The following TMEM45A variants were observed in gnomAD, a reference collection of about 807,000 sequenced individuals.
TMEM45A encodes the protein transmembrane protein 45A, also known as DNA polymerase-transactivated protein 4.
Under a neutral mutation model 32.0 loss-of-function variants are expected in TMEM45A, and 25 were observed. The observed-to-expected ratio is 0.78, with a 90% CI of 0.57 to 1.09. The LOEUF is 1.09. Among genes scored for constraint, TMEM45A ranks in the 50% least tolerant of loss-of-function variants. TMEM45A has a pLI of 0.00. For synonymous variants in TMEM45A, 122 were observed against 114.8 expected, an observed-to-expected ratio of 1.06 and a Z score of -0.40; for missense variants, 302 against 325.0, an observed-to-expected ratio of 0.93 and a Z score of 0.54.
chr3:100,547,496 A>G (rs756694599), intron 1 of TMEM45A, among the ~76,000 whole-genome samples: 60 of 152,132 alleles, frequency 3.9e-4, no homozygotes, highest in Non-Finnish European at 7.9e-4. Flanking sequence ...AAGATAAAAT[A>G]TATTTACTAT....
intron 1 of TMEM45A, among the ~76,000 whole-genome samples, chr3:100,528,253 A>C (rs945727814): frequency 2.0e-5 from 3 of 152,184 alleles, no homozygotes; most frequent in Non-Finnish European, 4.4e-5. Context: ...ATTTTCTGGG[A>C]ACCTTTCGCA....
chr3:100,567,789 T>C (rs982831312), intron 4 of TMEM45A, among the ~76,000 whole-genome samples: 3 of 152,168 alleles, frequency 2.0e-5, no homozygotes, highest in Non-Finnish European at 4.4e-5. Flanking sequence ...CTTCTTTTTC[T>C]TTTTCTTTTT....
At chr3:100,546,897 G>A (rs1016984835) in intron 1 of TMEM45A, among the ~76,000 whole-genome samples, 1 of 152,162 alleles carries the variant, frequency 6.6e-6, no homozygotes, top group Non-Finnish European at 1.5e-5. Flanking sequence ...GTGACATAGA[G>A]TAGGTCACTA....
At chr3:100,494,266 G>A (rs907732900) in intron 1 of TMEM45A, among the ~76,000 whole-genome samples, 2 of 152,188 alleles carry the variant, frequency 1.3e-5, no homozygotes, top group South Asian at 4.1e-4. Context: ...TCATGGGAGA[G>A]CTGGATAGAA....
chr3:100,518,279 C>T (rs961609191), intron 1 of TMEM45A, among the ~76,000 whole-genome samples: 4 of 152,234 alleles, frequency 2.6e-5, no homozygotes, highest in Admixed American at 6.5e-5. Flanking sequence ...CCCATTTCCT[C>T]ACTTTCTTCC....
At chr3:100,504,242 A>G (rs1708049692) in intron 1 of TMEM45A, among the ~76,000 whole-genome samples, 1 of 143,388 alleles carries the variant, frequency 7.0e-6, no homozygotes, top group South Asian at 2.2e-4. Flanking sequence ...GTAGCCTTAT[A>G]TTTTTATAAA....
intron 1 of TMEM45A, among the ~76,000 whole-genome samples, chr3:100,547,195 C>T (rs2148972520): frequency 6.6e-6 from 1 of 152,162 alleles, no homozygotes; most frequent in Admixed American, 6.5e-5. Flanking sequence ...GATCTTGGCT[C>T]ACTGCAACCT....
chr3:100,537,746 C>CA (rs1434662501), intron 1 of TMEM45A, among the ~76,000 whole-genome samples: 1 of 152,224 alleles, frequency 6.6e-6, no homozygotes, highest in African/African-American at 2.4e-5. Flanking sequence ...ACACAGGTGT[C>CA]ATTGTCACAG....
rs1707864096 is a variant in TMEM45A, at chr3:100,492,755, T to TTCCCC, written c.-177_-176insTCCCC. ...CGACTAGGGACCCAAGTTTAAAAAT[T>TTCCCC]CCTCCCCCCACCCAATGCGAGACGT... On this transcript the variant is annotated 5_prime_UTR_variant, in exon 1 of 6. Transcript: ENST00000323523. 1.4e-5 allele frequency: 2 copies of TTCCCC among 143,524 alleles called. No individual in the cohort carries two copies. Among genetic ancestry groups the TTCCCC allele is most frequent in the African/African-American group, 2.7e-5 (1 of 36,840 alleles). 8.9% of individuals were successfully genotyped at this position (143,524 alleles called of 1,614,324 possible).
intron 1 of TMEM45A, among the ~76,000 whole-genome samples, chr3:100,506,409 C>A (rs1478090135): frequency 6.6e-6 from 1 of 152,006 alleles, no homozygotes; most frequent in African/African-American, 2.4e-5. Context: ...TATCTGACAC[C>A]CCAAAATAGT....
rs1705462479 is a variant in TMEM45A, at chr3:100,522,927, C to T, written c.-4+29999C>T. On this transcript the variant is annotated intron_variant, in intron 1 of 5. Coordinates refer to ENST00000323523, the MANE Select transcript of TMEM45A (RefSeq NM_018004.3). ...TGGGAGAACCAAGTTCCTGTGGTTG[C>T]GCCCATTGCTTGGTGCAGTCTGCCA... is the stretch of plus-strand genomic sequence containing the variant. Among the ~76,000 whole-genome samples the T allele has an allele frequency of 2.6e-5, 4 of 152,152 alleles. No individual in the cohort carries two copies. The South Asian group carries it at 6.2e-4, about 24-fold the overall frequency.
At chr3:100,563,361 C>T (rs1306221126) in intron 4 of TMEM45A, among the ~76,000 whole-genome samples, 7 of 152,204 alleles carry the variant, frequency 4.6e-5, no homozygotes, top group Non-Finnish European at 1.0e-4. Flanking sequence ...AATACAATCA[C>T]ATTCAGAGAT....
chr3:100,518,871 A>G lies in TMEM45A; in HGVS notation c.-4+25943A>G, dbSNP rs560276795. Among the ~76,000 whole-genome samples the G allele has an allele frequency of 1.1e-4, 16 of 152,344 alleles. No individual in the cohort carries two copies. The East Asian group carries it at 3.1e-3, about 29-fold the overall frequency. On this transcript the variant is annotated intron_variant, in intron 1 of 5. Transcript: ENST00000323523. ...TTCCATGCTTACACACTGAACACCT[A>G]AGCTGGCTGGTCAAATAATCAAGAG...
chr3:100,547,669 C>G (rs1706006681), intron 1 of TMEM45A, among the ~76,000 whole-genome samples: 1 of 151,722 alleles, frequency 6.6e-6, no homozygotes, highest in Non-Finnish European at 1.5e-5. Flanking sequence ...GTGAACCAAC[C>G]CAGTTCAAGC....
intron 1 of TMEM45A, among the ~76,000 whole-genome samples, chr3:100,545,913 C>T (rs1705970850): frequency 6.6e-6 from 1 of 152,176 alleles, no homozygotes; most frequent in Non-Finnish European, 1.5e-5. Context: ...GCAAAAGGGA[C>T]TTTGCATATG....
intron 1 of TMEM45A, among the ~76,000 whole-genome samples, chr3:100,495,848 T>A (rs1222155361): frequency 1.3e-5 from 2 of 152,178 alleles, no homozygotes; most frequent in African/African-American, 4.8e-5. Context: ...CTAAAATCTT[T>A]GACATGGATG....
At chr3:100,544,520 A>G (rs1240091986) in intron 1 of TMEM45A, among the ~76,000 whole-genome samples, 5 of 152,144 alleles carry the variant, frequency 3.3e-5, no homozygotes, top group East Asian at 1.9e-4. Flanking sequence ...TTTGCAGTCA[A>G]TTCTATTCCC....
chr3:100,499,842 C>T (rs1004350765), intron 1 of TMEM45A, among the ~76,000 whole-genome samples: 1 of 152,232 alleles, frequency 6.6e-6, no homozygotes. Flanking sequence ...TGCCACTGCA[C>T]TCCAGCCTGG....
At chr3:100,539,490 T>TGTATAGGTATAC (rs1553682653) in intron 1 of TMEM45A, among the ~76,000 whole-genome samples, 1 of 72,406 alleles carries the variant, frequency 1.4e-5, no homozygotes, top group Admixed American at 1.3e-4. Context: ...TATATGTATA[T>TGTATAGGTATAC]GTATACGTAT....
Sources: allele counts gnomAD v4.1 joint callset (sites outside exome capture counted in the v4.1 genomes callset), GRCh38; gene constraint gnomAD v4.1.1; transcripts MANE v1.5; gene names NCBI Gene and HGNC (gene_info 2026-07-23, HGNC 2026-07-21).